STAM: variants seen among roughly 807,000 people sequenced by gnomAD.
The protein encoded by STAM is signal transducing adaptor molecule.
STAM carries 16 observed loss-of-function variants against 63.4 expected under a neutral mutation model. The observed-to-expected ratio is 0.25, with a 90% confidence interval of 0.17 to 0.38. The LOEUF (loss-of-function observed/expected upper bound fraction) is 0.38. Ranked by LOEUF, STAM falls within the 10% of genes least tolerant of loss-of-function variation. The pLI, the probability that STAM is intolerant of heterozygous loss-of-function variation, is 1.00. For synonymous variants in STAM, 238 were observed against 223.9 expected (o/e 1.06, Z -0.56); for missense variants, 636 against 657.1 (o/e 0.97, Z 0.35).
chr10:17,653,981 G>C (rs918129845), intron 1 of STAM, among the ~76,000 whole-genome samples: 1 of 152,124 alleles, frequency 6.6e-6, no homozygotes, highest in Non-Finnish European at 1.5e-5. Context: ...AGGGTAGTGG[G>C]AACTTCCAGT....
At chr10:17,660,590 T>TA in intron 2 of STAM, 42 bp downstream of exon 2, 1 of 1,517,476 alleles carries the variant, frequency 6.6e-7, no homozygotes, top group Non-Finnish European at 9.0e-7. Context: ...TCTTTCTTTT[T>TA]AAAAAACACG....
intron 9 of STAM, among the ~76,000 whole-genome samples, chr10:17,700,822 T>A (rs1835962564): frequency 6.6e-6 from 1 of 152,228 alleles, no homozygotes. Flanking sequence ...ACTCATTGAC[T>A]ATCTATTGAA....
intron 5 of STAM, among the ~76,000 whole-genome samples, chr10:17,689,016 C>G (rs1259860859): frequency 2.6e-5 from 4 of 152,100 alleles, no homozygotes; most frequent in African/African-American, 9.7e-5. Context: ...TAAGAGCCGA[C>G]CAGTACATAA....
At chr10:17,714,522 A>G (rs369554893) in intron 13 of STAM, 21 bp from the exon 14 acceptor site, 14 of 1,601,052 alleles carry the variant, frequency 8.7e-6, no homozygotes, top group African/African-American at 1.3e-5. Flanking sequence ...GATGTAATTG[A>G]GTGTTTTTCT....
chr10:17,684,101 A>G (rs944646801), intron 2 of STAM, among the ~76,000 whole-genome samples: 3 of 152,116 alleles, frequency 2.0e-5, no homozygotes, highest in Non-Finnish European at 4.4e-5. Context: ...TCTTTAGCAT[A>G]TCGCCCTCGG....
At chr10:17,662,503 A>G (rs1344259161) in intron 2 of STAM, among the ~76,000 whole-genome samples, 1 of 152,170 alleles carries the variant, frequency 6.6e-6, no homozygotes, top group Non-Finnish European at 1.5e-5. Flanking sequence ...TTAGTAACTT[A>G]TATCTAATGA....
intron 9 of STAM, among the ~76,000 whole-genome samples, chr10:17,702,544 T>G (rs1466884152): frequency 1.3e-4 from 20 of 152,236 alleles, no homozygotes; most frequent in African/African-American, 4.8e-4. Flanking sequence ...TTTAAATGTA[T>G]AAGAAATGAG....
intron 2 of STAM, among the ~76,000 whole-genome samples, chr10:17,667,032 G>A (rs1463971054): frequency 3.3e-5 from 5 of 152,144 alleles, no homozygotes; most frequent in African/African-American, 1.2e-4. Context: ...TCTAGGTACT[G>A]TAGATTCTCT....
At chr10:17,660,344 C>A in intron 1 of STAM, 120 bp from the exon 2 acceptor site, 1 of 567,632 alleles carries the variant, frequency 1.8e-6, no homozygotes, top group Non-Finnish European at 3.0e-6. Flanking sequence ...AGAATGCTGG[C>A]AACTATTCTG....
In STAM at chr10:17,714,933, A is replaced by G. The variant is rs931749712; in HGVS notation, c.*153A>G. 3 of 721,750 alleles carry G rather than the reference A, an allele frequency of 4.2e-6. No individual in the cohort carries two copies. Among genetic ancestry groups the G allele is most frequent in the East Asian group, 2.7e-5 (1 of 37,344 alleles). 44.7% of individuals were successfully genotyped at this position (721,750 alleles called of 1,614,324 possible). A position where few individuals can be genotyped will look rare whatever the true frequency, so the allele number is the denominator to read the frequency against. ...ATTCAAGAAGGTAGAACTCTCCTCA[A>G]TTTACACTGACTTTTTAGAGGTTCT... On this transcript the variant is annotated 3_prime_UTR_variant, in exon 14 of 14. Coordinates refer to ENST00000377524, the MANE Select transcript of STAM (RefSeq NM_003473.4).
At chr10:17,676,912 A>T (rs1306143806) in intron 2 of STAM, among the ~76,000 whole-genome samples, 3 of 150,872 alleles carry the variant, frequency 2.0e-5, no homozygotes, top group Non-Finnish European at 3.0e-5. Context: ...TATATATATA[A>T]AAGTTCAGTA....
chr10:17,659,445 C>T (rs369504779), intron 1 of STAM, among the ~76,000 whole-genome samples: 2 of 144,240 alleles, frequency 1.4e-5, no homozygotes, highest in African/African-American at 2.6e-5. Context: ...TCGGGTATTC[C>T]ATCTTTATTC....
intron 1 of STAM, among the ~76,000 whole-genome samples, chr10:17,645,880 C>G (rs1167565562): frequency 6.6e-6 from 1 of 152,168 alleles, no homozygotes; most frequent in Admixed American, 6.5e-5. Flanking sequence ...ATACTTGCTT[C>G]TTCTGTTTAC....
Position 17,705,040 on chromosome 10 carries a change from T to A in STAM, c.1055+16T>A. On this transcript the variant is annotated intron_variant, in intron 11 of 13. Coordinates refer to ENST00000377524, the MANE Select transcript of STAM (RefSeq NM_003473.4). ...ATATTGATAGGTAAAAGAACATGGG[T>A]GCATTTATGTTGTGTACCTTCTTTC... 1.2e-6 allele frequency: 2 copies of A among 1,610,428 alleles called. No individual in the cohort carries two copies. The highest frequency in any genetic ancestry group is 2.2e-5 in the South Asian group (2 of 90,542).
chr10:17,681,810 A>G (rs1835097697), intron 2 of STAM, among the ~76,000 whole-genome samples: 1 of 152,234 alleles, frequency 6.6e-6, no homozygotes, highest in Non-Finnish European at 1.5e-5. Flanking sequence ...ACTTCAGTAA[A>G]TGGAGGACTT....
intron 12 of STAM, among the ~76,000 whole-genome samples, chr10:17,706,259 C>T (rs60866529): frequency 6.7e-6 from 1 of 149,588 alleles, no homozygotes; most frequent in African/African-American, 2.5e-5. Flanking sequence ...AAGGAAATAG[C>T]TTTTATACAG....
chr10:17,646,529 T>G (rs1299868520), intron 1 of STAM, among the ~76,000 whole-genome samples: 1 of 152,268 alleles, frequency 6.6e-6, no homozygotes. Flanking sequence ...ACATAGGAGG[T>G]GTTTAATAAT....
intron 7 of STAM, chr10:17,695,803 C>G (rs1339939450): frequency 6.6e-6 from 1 of 152,234 alleles, no homozygotes; most frequent in Non-Finnish European, 1.5e-5. Flanking sequence ...AAAATCAGTT[C>G]AAATTGATTT....
At position 17,704,486 on chromosome 10, in the gene STAM, A is replaced by G; in HGVS notation, c.968A>G (p.Gln323Arg). ...CAAAGTACAGACCCCAGTGATGATC[A>G]GCCAGACCTACCAGAGCTGCTTCAT... ...MLQSTDPSDD[Q>R]PDLPELLHLE... The change falls in exon 10 of 14, where the codon CAG becomes CGG. Residue 323 changes from glutamine to arginine, a missense_variant. This residue lies in a region of STAM where 532 missense variants were observed against 536.9 expected (regional missense o/e 0.99). Coordinates refer to ENST00000377524, the MANE Select transcript of STAM (RefSeq NM_003473.4). 6.2e-7 allele frequency: 1 copy of G among 1,614,172 alleles called. No individual in the cohort carries two copies. Among genetic ancestry groups the G allele is most frequent in the Non-Finnish European group, 8.5e-7 (1 of 1,180,014 alleles).
Sources: allele counts gnomAD v4.1 joint callset (sites outside exome capture counted in the v4.1 genomes callset), GRCh38; gene constraint gnomAD v4.1.1; regional missense constraint gnomAD v4.1.1; transcripts MANE v1.5; gene names NCBI Gene and HGNC (gene_info 2026-07-23, HGNC 2026-07-21).